Variants in STK32A observed in about 807,000 individuals in gnomAD.
STK32A encodes serine/threonine kinase 32A.
Under a neutral mutation model 53.2 loss-of-function variants are expected in STK32A, and 41 were observed. The ratio of observed to expected loss-of-function variants is 0.77; its 90% CI spans 0.60 to 1.00. The LOEUF (loss-of-function observed/expected upper bound fraction) is 1.00, where lower values mean the gene tolerates loss of function less well. Among genes scored for constraint, STK32A ranks in the 50% least tolerant of loss-of-function variants. The pLI, the probability that STK32A is intolerant of heterozygous loss-of-function variation, is 0.00. For synonymous variants in STK32A, 166 were observed against 162.8 expected (o/e 1.02, Z -0.15); for missense variants, 458 against 485.8 (o/e 0.94, Z 0.54).
chr5:147,235,534 T>TC (rs1753275679), intron 1 of STK32A, among the ~76,000 whole-genome samples: 1 of 152,140 alleles, frequency 6.6e-6, no homozygotes, highest in Non-Finnish European at 1.5e-5. Context: ...AAGGACTTTT[T>TC]CCCCCAGGAC....
At chr5:147,317,323 CTTTTTTTT>C (rs3064294) in intron 4 of STK32A, among the ~76,000 whole-genome samples, 4 of 81,310 alleles carry the variant, frequency 4.9e-5, no homozygotes, top group African/African-American at 2.0e-4. Context: ...CTTTTTCTTT[CTTTTTTTT>C]TTTTTTTTTT....
chr5:147,284,699 A>AACAAGAC (rs1752242437), intron 4 of STK32A, among the ~76,000 whole-genome samples: 1 of 59,180 alleles, frequency 1.7e-5, no homozygotes, highest in Non-Finnish European at 3.7e-5. Flanking sequence ...GACAAAACAA[A>AACAAGAC]AAAACAACAA....
chr5:147,382,351 A>G (rs560722003), intron 11 of STK32A, among the ~76,000 whole-genome samples: 1 of 151,566 alleles, frequency 6.6e-6, no homozygotes, highest in African/African-American at 2.4e-5. Flanking sequence ...GATTTTCTCT[A>G]TATCTTCCTT....
intron 12 of STK32A, 33 bp from the exon 13 acceptor site, chr5:147,383,857 A>C (rs1401104003): frequency 7.1e-7 from 1 of 1,415,584 alleles, no homozygotes; most frequent in African/African-American, 1.5e-5. Flanking sequence ...TTTTCAAAGA[A>C]TAAAACATCT....
chr5:147,397,575 G>T, the STK32A span: 1 of 1,356,514 alleles, frequency 7.4e-7, no homozygotes, highest in Non-Finnish European at 1.0e-6. Context: ...AGAGTCTAGA[G>T]ATCACAGTGC....
At chr5:147,280,550 G>T (rs905036656) in intron 4 of STK32A, among the ~76,000 whole-genome samples, 1 of 151,902 alleles carries the variant, frequency 6.6e-6, no homozygotes, top group East Asian at 1.9e-4. Context: ...GCATGTTTCT[G>T]CAGAGACAGC....
chr5:147,351,077 T>G lies in STK32A; in HGVS notation c.485T>G (p.Ile162Ser), dbSNP rs1755952662. 3.7e-6 allele frequency: 6 copies of G among 1,613,918 alleles called. No individual in the cohort carries two copies. Among genetic ancestry groups the G allele is most frequent in the Non-Finnish European group, 5.1e-6 (6 of 1,179,840 alleles). ...TCTCTCTCTGCAGGGCACGTGCACATCACAGATTTCAACATTGCTGCGATG... is the reference window on the plus strand; with the variant it reads ...TCTCTCTCTGCAGGGCACGTGCACAGCACAGATTTCAACATTGCTGCGATG... ...ILLDEHGHVHITDFNIAAMLP... is the reference protein window; with the variant it reads ...ILLDEHGHVHSTDFNIAAMLP... The change falls in exon 7 of 13, where the codon ATC becomes AGC. Residue 162 changes from isoleucine (I) to serine (S), a missense_variant. Transcript: ENST00000397936.
rs148129326 is a variant in STK32A at position 147,348,294 on chromosome 5, G to T, written c.473-2771G>T. Reference sequence around the variant, plus strand: ...AATACTCAACATTCTTTCAACTGACGTGTAATGAGTACTCACCAGAGTTGA... The same window carrying T: ...AATACTCAACATTCTTTCAACTGACTTGTAATGAGTACTCACCAGAGTTGA... On this transcript the variant is annotated intron_variant, in intron 6 of 12. Coordinates refer to ENST00000397936, the MANE Select transcript of STK32A (RefSeq NM_001112724.2). Among the ~76,000 whole-genome samples, 106 of 152,274 alleles carry T rather than the reference G, an allele frequency of 7.0e-4. 1 individual carries two copies. Among genetic ancestry groups the T allele is most frequent in the African/African-American group, 2.5e-3 (104 of 41,560 alleles).
intron 2 of STK32A, among the ~76,000 whole-genome samples, chr5:147,262,566 A>T (rs1014927461): frequency 6.7e-6 from 1 of 150,288 alleles, no homozygotes; most frequent in South Asian, 2.1e-4. Flanking sequence ...ATCATTCATT[A>T]TACCTATTTT....
intron 7 of STK32A, among the ~76,000 whole-genome samples, chr5:147,358,483 G>A (rs868062575): frequency 6.6e-6 from 1 of 152,112 alleles, no homozygotes; most frequent in Non-Finnish European, 1.5e-5. Context: ...GTATAGGAAC[G>A]TTCATGACAG....
intron 1 of STK32A, among the ~76,000 whole-genome samples, chr5:147,236,014 C>T (rs937291261): frequency 6.6e-6 from 1 of 152,106 alleles, no homozygotes; most frequent in South Asian, 2.1e-4. Context: ...CAAATGCAAA[C>T]AAAATAAGTT....
chr5:147,353,962 T>C (rs1024429376), intron 7 of STK32A, among the ~76,000 whole-genome samples: 2 of 151,646 alleles, frequency 1.3e-5, no homozygotes, highest in Admixed American at 6.6e-5. Context: ...ACAAGAGCAA[T>C]GCCATTTTCT....
chr5:147,360,156 G>T (rs1020028673), intron 7 of STK32A, among the ~76,000 whole-genome samples: 5 of 152,080 alleles, frequency 3.3e-5, no homozygotes, highest in Non-Finnish European at 5.9e-5. Flanking sequence ...ACTCTATAAA[G>T]ATTGCCTTAT....
chr5:147,254,867 C>T (rs1324348617), intron 2 of STK32A, among the ~76,000 whole-genome samples: 1 of 152,028 alleles, frequency 6.6e-6, no homozygotes, highest in Non-Finnish European at 1.5e-5. Flanking sequence ...AGGCTGGGCG[C>T]GGTGGCTCAC....
intron 4 of STK32A, among the ~76,000 whole-genome samples, chr5:147,313,014 G>C (rs1056935173): frequency 2.8e-4 from 41 of 148,942 alleles, no homozygotes; most frequent in African/African-American, 9.7e-4. Context: ...GCTAAGGTAG[G>C]AAGGCTGCTT....
chr5:147,400,582 A>T, the STK32A span: 10 of 1,411,214 alleles, frequency 7.1e-6, no homozygotes, highest in South Asian at 1.4e-5. Flanking sequence ...AGCAAGTACG[A>T]GATCCCATCT....
chr5:147,345,893 A>C (rs1755660783), intron 6 of STK32A, among the ~76,000 whole-genome samples: 1 of 152,200 alleles, frequency 6.6e-6, no homozygotes, highest in Non-Finnish European at 1.5e-5. Flanking sequence ...CCCTGAACTC[A>C]ACTTGAAAAT....
intron 4 of STK32A, among the ~76,000 whole-genome samples, chr5:147,293,279 A>C (rs547457962): frequency 6.6e-6 from 1 of 152,306 alleles, no homozygotes; most frequent in South Asian, 2.1e-4. Flanking sequence ...ATACCAAAAC[A>C]TATTGGAACT....
chr5:147,375,358 T>C (rs1208251155), intron 11 of STK32A, 140 bp downstream of exon 11: 1 of 1,112,094 alleles, frequency 9.0e-7, no homozygotes, highest in African/African-American at 1.6e-5. Context: ...CAGCCGGGTT[T>C]CTAAAAGGGC....
Sources: allele counts gnomAD v4.1 joint callset (sites outside exome capture counted in the v4.1 genomes callset), GRCh38; gene constraint gnomAD v4.1.1; transcripts MANE v1.5; gene names NCBI Gene and HGNC (gene_info 2026-07-23, HGNC 2026-07-21).